The following USP1 variants were observed in gnomAD, a reference collection of about 807,000 sequenced individuals.
The protein encoded by USP1 is ubiquitin specific peptidase 1, also known as ubiquitin carboxyl-terminal hydrolase 1.
In USP1, 18 loss-of-function variants were observed where a neutral mutation model predicts 72.2. The observed-to-expected ratio is 0.25, with a 90% CI of 0.17 to 0.37. The LOEUF (loss-of-function observed/expected upper bound fraction) is 0.37. Among genes scored for constraint, USP1 ranks in the 10% least tolerant of loss-of-function variants. The pLI, the probability that USP1 is intolerant of heterozygous loss-of-function variation, is 1.00. For missense variants in USP1, 759 were observed against 884.9 expected (o/e 0.86, Z 1.81); for synonymous variants, 354 against 303.7 (o/e 1.17, Z -1.72).
Position 62,444,896 on chromosome 1 carries a change from C to T in USP1, c.716C>T (p.Pro239Leu), listed in dbSNP as rs267598686. The T allele has an allele frequency of 6.2e-6, 10 of 1,612,952 alleles. No individual in the cohort carries two copies. Among genetic ancestry groups the T allele is most frequent in the African/African-American group, 4.0e-5 (3 of 74,728 alleles). ...ACTAAGGTAGAAGAAATACCTCATCCGAAAGAGGAAATGAATGGTATTAAC... is the reference window on the plus strand; with the variant it reads ...ACTAAGGTAGAAGAAATACCTCATCTGAAAGAGGAAATGAATGGTATTAAC... ...LPTKVEEIPH[P>L]KEEMNGINSI... is the part of the protein sequence containing the mutation. Residue 239 changes from proline (P) to leucine (L), a missense_variant, in exon 6 of 9, where the codon CCG becomes CTG. By Grantham distance (98) the Pro-to-Leu change is moderately conservative. Around this residue, in one of 9 missense-constraint regions of USP1, gnomAD observed 245 missense variants for 240.7 expected, o/e 1.02. Transcript: ENST00000339950.
rs759762277 is a variant in USP1 at position 62,451,726 on chromosome 1, CTGCT to C, written c.*747_*750del. On this transcript the variant is annotated 3_prime_UTR_variant, in exon 9 of 9. Transcript: ENST00000339950. ...AACTGGGAGGTCAATAAAATTTAAA[CTGCT>C]TAACTATGTATATGAATATTTGAAT... 2.6e-5 allele frequency: 4 copies of C among 152,448 alleles called. No homozygotes were observed. Among genetic ancestry groups the C allele is most frequent in the Non-Finnish European group, 5.9e-5 (4 of 68,012 alleles). 9.4% of individuals were successfully genotyped at this position (152,448 alleles called of 1,614,324 possible).
Position 62,450,946 on chromosome 1 carries a change from T to G in USP1, c.2323T>G (p.Ser775Ala), listed in dbSNP as rs934324805. Reference protein sequence around the residue: ...NSLSPSTSPTSTPYLLFYKKL With the variant: ...NSLSPSTSPTATPYLLFYKKL ...TCTTTCCCCTTCTACATCTCCTACT[T>G]CTACTCCTTACTTGCTATTTTATAA... Residue 775 changes from serine to alanine, a missense_variant, in exon 9 of 9, where the codon TCT becomes GCT. Transcript: ENST00000339950. 13 of 1,604,764 alleles carry G rather than the reference T, an allele frequency of 8.1e-6. No individual in the cohort carries two copies. The Admixed American group carries it at 1.2e-4, about 15-fold the overall frequency.
chr1:62,438,944 T>C (rs1375036579), intron 1 of USP1, among the ~76,000 whole-genome samples: 1 of 152,240 alleles, frequency 6.6e-6, no homozygotes, highest in African/African-American at 2.4e-5. Flanking sequence ...ATCTTTCACT[T>C]ACGGTTTTAG....
chr1:62,445,893 C>T (rs1161500696), intron 6 of USP1, among the ~76,000 whole-genome samples: 3 of 152,010 alleles, frequency 2.0e-5, no homozygotes, highest in East Asian at 1.9e-4. Flanking sequence ...GCAGGAGAAT[C>T]GCCTGAACCC....
chr1:62,446,806 TA>T (rs1571137749), intron 6 of USP1, among the ~76,000 whole-genome samples: 1 of 152,106 alleles, frequency 6.6e-6, no homozygotes, highest in East Asian at 1.9e-4. Context: ...GACTTTTTTT[TA>T]TTTTTTATTT....
In USP1 at chr1:62,445,124, C is replaced by A. The variant is rs755487769; in HGVS notation, c.944C>A (p.Pro315His). 1 of 1,613,378 alleles carries A rather than the reference C, an allele frequency of 6.2e-7. No individual in the cohort carries two copies. Among genetic ancestry groups the A allele is most frequent in the Non-Finnish European group, 8.5e-7 (1 of 1,179,864 alleles). ...ACAAGTGATACATTAGAGAGTCCTC[C>A]TAAAATAATTCCCAAGTATATTTCT... ...KATSDTLESP[P>H]KIIPKYISEN... Residue 315 changes from proline (P) to histidine (H), a missense_variant, in exon 6 of 9, where the codon CCT becomes CAT. This residue lies in a region of USP1 where 245 missense variants were observed against 240.7 expected (regional missense o/e 1.02). Coordinates refer to ENST00000339950, the MANE Select transcript of USP1 (RefSeq NM_003368.5).
At chr1:62,442,126 A>T (rs1645138297) in intron 3 of USP1, 69 bp from the exon 4 acceptor site, 4 of 1,058,034 alleles carry the variant, frequency 3.8e-6, no homozygotes, top group Non-Finnish European at 5.6e-6. Flanking sequence ...AGAAAGCATG[A>T]TGTTGTTTTA....
At position 62,450,437 on chromosome 1, in the gene USP1, G is replaced by A. The variant is rs2149208542; in HGVS notation, c.1814G>A (p.Ser605Asn). ...TASVKVTDLN[S>N]LELDKGNFVV... ...TCTGTTAAAGTCACTGACCTTAACA[G>A]TTTAGAACTAGATAAAGGAAATTTT... The change falls in exon 9 of 9, where the codon AGT becomes AAT. Residue 605 changes from serine to asparagine, a missense_variant. Transcript: ENST00000339950. 6.2e-7 allele frequency: 1 copy of A among 1,614,148 alleles called. No homozygotes were observed. Among genetic ancestry groups the A allele is most frequent in the East Asian group, 2.2e-5 (1 of 44,866 alleles).
chr1:62,448,974 C>T (rs1238426150), intron 8 of USP1, among the ~76,000 whole-genome samples: 1 of 152,136 alleles, frequency 6.6e-6, no homozygotes, highest in Non-Finnish European at 1.5e-5. Context: ...TCTTGACCTC[C>T]CAGGCTCAGG....
chr1:62,441,543 A>T lies in USP1; in HGVS notation c.226A>T (p.Asn76Tyr). Residue 76 changes from asparagine (N) to tyrosine (Y), a missense_variant, in exon 3 of 9, where the codon AAC becomes TAC. Transcript: ENST00000339950. Reference sequence around the variant, plus strand: ...ACCTATAAACTGTGAGAAGAGAGAAAACTTGTTACCATTTGTGGGACTGAA... The same window carrying T: ...ACCTATAAACTGTGAGAAGAGAGAATACTTGTTACCATTTGTGGGACTGAA... ...SSPINCEKRE[N>Y]LLPFVGLNNL... is the part of the protein sequence containing the mutation. 6.2e-7 allele frequency: 1 copy of T among 1,613,696 alleles called. No individual in the cohort carries two copies. The highest frequency in any genetic ancestry group is 1.1e-5 in the South Asian group (1 of 91,044).
chr1:62,439,995 A>G lies in USP1; in HGVS notation c.128A>G (p.Gln43Arg), dbSNP rs1412190203. The G allele has an allele frequency of 1.9e-6, 3 of 1,547,410 alleles. No homozygotes were observed. In the African/African-American group the frequency reaches 4.2e-5, roughly 22 times the overall value. ...AGAGCTTTGGATTTCACAGATTCTC[A>G]AGAAAATGAAGAAAAAGCTTCTGAA... ...TKRALDFTDS[Q>R]ENEEKASEYR... The change falls in exon 2 of 9, where the codon CAA (glutamine) becomes CGA (arginine). Residue 43 changes from glutamine (Q) to arginine (R), a missense_variant. Gln to Arg is a conservative substitution (Grantham distance 43, BLOSUM62 1). This residue lies in a region of USP1 where 86 missense variants were observed against 82.0 expected (regional missense o/e 1.05). Transcript: ENST00000339950.
chr1:62,445,463 G>A, intron 6 of USP1, 34 bp downstream of exon 6: 1 of 1,465,866 alleles, frequency 6.8e-7, no homozygotes, highest in Non-Finnish European at 9.1e-7. Flanking sequence ...ATAGGTAGAA[G>A]CATTAGCAGC....
At chr1:62,441,409 G>T (rs775828507) in intron 2 of USP1, 79 bp from the exon 3 acceptor site, 6 of 1,414,148 alleles carry the variant, frequency 4.2e-6, no homozygotes, top group Non-Finnish European at 5.6e-6. Context: ...TTTGGGAAAA[G>T]ACTAAATCTA....
intron 8 of USP1, among the ~76,000 whole-genome samples, 187 bp downstream of exon 8, chr1:62,448,853 T>G (rs1197437594): frequency 6.6e-6 from 1 of 152,196 alleles, no homozygotes; most frequent in Non-Finnish European, 1.5e-5. Flanking sequence ...ATCCTTTTGA[T>G]ATGAATACAT....
intron 1 of USP1, among the ~76,000 whole-genome samples, chr1:62,438,710 CA>C (rs1482550462): frequency 7.0e-6 from 1 of 143,422 alleles, no homozygotes; most frequent in East Asian, 2.0e-4. Flanking sequence ...CAAATGTTGC[CA>C]TTTTTTTTCA....
intron 2 of USP1, among the ~76,000 whole-genome samples, chr1:62,440,568 C>T (rs1361672666): frequency 1.3e-5 from 2 of 152,042 alleles, no homozygotes; most frequent in Non-Finnish European, 2.9e-5. Context: ...TTTATTCCAC[C>T]ACCAGCAGCT....
intron 5 of USP1, among the ~76,000 whole-genome samples, chr1:62,444,332 CTAAGTAGTTCTGTGACCT>C (rs1164815598): frequency 6.7e-6 from 1 of 150,108 alleles, no homozygotes; most frequent in Non-Finnish European, 1.5e-5. Flanking sequence ...GCTTTTCATC[CTAAGTAGTTCTGTGACCT>C]TGGGCAAGTT....
intron 7 of USP1, among the ~76,000 whole-genome samples, chr1:62,448,230 G>T (rs560824030): frequency 1.2e-4 from 19 of 152,270 alleles, no homozygotes; most frequent in African/African-American, 4.6e-4. Context: ...AACAGACTAG[G>T]CTTATTTTGT....
intron 6 of USP1, among the ~76,000 whole-genome samples, chr1:62,445,742 G>A (rs951019421): frequency 6.6e-6 from 1 of 152,082 alleles, no homozygotes; most frequent in Non-Finnish European, 1.5e-5. Context: ...ACTTTGGGAG[G>A]CCTAGGCGGG....
Sources: gnomAD v4.1 joint callset for allele counts (sites outside exome capture counted in the v4.1 genomes callset) on GRCh38, gnomAD v4.1.1 for gene constraint, gnomAD v4.1.1 regional missense constraint, MANE v1.5 for transcripts, NCBI Gene and HGNC (gene_info 2026-07-23, HGNC 2026-07-21) for gene names.